CNTNAP2: variants seen among roughly 807,000 people sequenced by gnomAD.
CNTNAP2 encodes contactin associated protein 2.
A neutral mutation model predicts 155.2 loss-of-function variants in CNTNAP2; 98 were observed. That is an observed-to-expected ratio of 0.63 (90% confidence interval 0.54 to 0.75). The LOEUF (loss-of-function observed/expected upper bound fraction) is 0.75, where lower values mean the gene tolerates loss of function less well. CNTNAP2 is among the 30% of genes least tolerant of loss of function. The probability of loss-of-function intolerance (pLI) is 0.00; values close to 1 mark genes in which losing one functional copy is unlikely to be tolerated. For synonymous variants in CNTNAP2, 651 were observed against 631.2 expected (o/e 1.03, Z -0.47); for missense variants, 1,727 against 1,688.1 (o/e 1.02, Z -0.40).
At chr7:147,590,916 C>A (rs2116843489) in intron 12 of CNTNAP2, among the ~76,000 whole-genome samples, 1 of 152,256 alleles carries the variant, frequency 6.6e-6, no homozygotes, top group East Asian at 1.9e-4. Context: ...GAGCAGCAAA[C>A]CTCTACACCT....
intron 12 of CNTNAP2, among the ~76,000 whole-genome samples, chr7:147,617,400 G>C (rs981083378): frequency 1.3e-5 from 2 of 152,102 alleles, no homozygotes; most frequent in Non-Finnish European, 2.9e-5. Context: ...GGCACTACTG[G>C]ACCAGATCAG....
intron 1 of CNTNAP2, among the ~76,000 whole-genome samples, chr7:146,381,849 C>A (rs920232753): frequency 6.6e-6 from 1 of 152,124 alleles, no homozygotes. Flanking sequence ...GTCCGCTGGG[C>A]TTGATCTTGC....
chr7:147,150,131 G>T (rs62481835), intron 8 of CNTNAP2, among the ~76,000 whole-genome samples: 56,173 of 152,066 alleles, frequency 0.37, 11,352 homozygotes, highest in East Asian at 0.55. Context: ...AGGGATGTGA[G>T]TCTGGAGCTC....
chr7:147,384,285 G>T (rs928792407), intron 9 of CNTNAP2, among the ~76,000 whole-genome samples: 3 of 152,158 alleles, frequency 2.0e-5, no homozygotes, highest in African/African-American at 7.2e-5. Flanking sequence ...CAGAAAAAGT[G>T]AAACTCATGT....
intron 13 of CNTNAP2, among the ~76,000 whole-genome samples, chr7:147,667,344 AG>A (rs1273106338): frequency 6.6e-6 from 1 of 152,206 alleles, no homozygotes; most frequent in Non-Finnish European, 1.5e-5. Context: ...ATTATCCCTA[AG>A]GGGGCCAAGT....
chr7:146,312,277 TGGGTGAGAGTTAGTTGATGAGA>T lies in CNTNAP2; in HGVS notation c.97+195329_97+195350del, dbSNP rs1213046468. ...TTTGAATGTTAGGAACCTGTGATTA[TGGGTGAGAGTTAGTTGATGAGA>T]GGGTGAGAGTTAGTTGATGAGAGGA... On this transcript the variant is annotated intron_variant, in intron 1 of 23. Transcript: ENST00000361727. 4.6e-5 allele frequency among the ~76,000 whole-genome samples: 7 copies of T among 152,290 alleles called. No individual in the cohort carries two copies. The South Asian group carries it at 8.3e-4, about 18-fold the overall frequency.
chr7:147,339,910 G>C (rs1229400880), intron 9 of CNTNAP2, among the ~76,000 whole-genome samples: 1 of 152,132 alleles, frequency 6.6e-6, no homozygotes, highest in Non-Finnish European at 1.5e-5. Flanking sequence ...AGTCAGCTTA[G>C]CTTGGAAGCT....
At chr7:148,414,297 C>T (rs1474930960) in intron 23 of CNTNAP2, among the ~76,000 whole-genome samples, 1 of 152,096 alleles carries the variant, frequency 6.6e-6, no homozygotes, top group Admixed American at 6.5e-5. Flanking sequence ...CCAGGCTGGT[C>T]TTAAACTCCT....
intron 8 of CNTNAP2, among the ~76,000 whole-genome samples, chr7:147,254,761 G>T (rs1804284422): frequency 6.6e-6 from 1 of 152,092 alleles, no homozygotes. Context: ...ATGACTTTAG[G>T]CAACAGTTAA....
chr7:147,779,547 A>T (rs1797634763), intron 13 of CNTNAP2, among the ~76,000 whole-genome samples: 1 of 152,180 alleles, frequency 6.6e-6, no homozygotes, highest in Non-Finnish European at 1.5e-5. Flanking sequence ...TGATCAATGT[A>T]ATCTCATTTT....
At chr7:146,205,918 T>C (rs529551229) in intron 1 of CNTNAP2, among the ~76,000 whole-genome samples, 1 of 152,038 alleles carries the variant, frequency 6.6e-6, no homozygotes, top group South Asian at 2.1e-4. Context: ...TGATTCTCTA[T>C]GAGGCTACCA....
chr7:146,133,502 G>A (rs961839534), intron 1 of CNTNAP2, among the ~76,000 whole-genome samples: 1 of 152,148 alleles, frequency 6.6e-6, no homozygotes, highest in African/African-American at 2.4e-5. Flanking sequence ...CCTATGTCCT[G>A]AATGGTAATG....
chr7:146,152,858 A>G (rs1213744166), intron 1 of CNTNAP2, among the ~76,000 whole-genome samples: 3 of 152,058 alleles, frequency 2.0e-5, no homozygotes, highest in Admixed American at 6.6e-5. Context: ...TGCTCACTCA[A>G]CAGGAAATTG....
intron 1 of CNTNAP2, among the ~76,000 whole-genome samples, chr7:146,134,235 G>A (rs1445427306): frequency 6.6e-6 from 1 of 151,548 alleles, no homozygotes; most frequent in South Asian, 2.1e-4. Context: ...GTATAAGAAT[G>A]CTTGTGATTT....
chr7:147,541,791 G>A (rs550130100), intron 11 of CNTNAP2, among the ~76,000 whole-genome samples: 11 of 152,196 alleles, frequency 7.2e-5, no homozygotes, highest in East Asian at 3.9e-4. Context: ...TGATCTTTCC[G>A]TGTTCACTAA....
chr7:146,165,946 G>A (rs141654041), intron 1 of CNTNAP2, among the ~76,000 whole-genome samples: 2,240 of 152,140 alleles, frequency 0.015, 60 homozygotes, highest in African/African-American at 0.051. Context: ...GTATTTGCAT[G>A]TTCAATTTTA....
At chr7:147,479,854 T>C (rs995368804) in intron 10 of CNTNAP2, among the ~76,000 whole-genome samples, 16 of 152,136 alleles carry the variant, frequency 1.1e-4, no homozygotes, top group African/African-American at 3.9e-4. Context: ...ATAGTGTTTC[T>C]AGTTTTACCA....
At chr7:146,347,384 G>C (rs1307076160) in intron 1 of CNTNAP2, among the ~76,000 whole-genome samples, 1 of 152,068 alleles carries the variant, frequency 6.6e-6, no homozygotes, top group East Asian at 1.9e-4. Flanking sequence ...CTCAACCAGA[G>C]ACCAGAATCA....
chr7:146,928,297 C>A (rs1563005787), intron 3 of CNTNAP2, among the ~76,000 whole-genome samples: 1 of 152,178 alleles, frequency 6.6e-6, no homozygotes, highest in Non-Finnish European at 1.5e-5. Context: ...ACTAACATTT[C>A]TCTAAACAGT....
Sources: gnomAD v4.1 joint callset for allele counts (sites outside exome capture counted in the v4.1 genomes callset) on GRCh38, gnomAD v4.1.1 for gene constraint, MANE v1.5 for transcripts, NCBI Gene and HGNC (gene_info 2026-07-23, HGNC 2026-07-21) for gene names.